The following DISP2 variants were observed in gnomAD, a reference collection of about 807,000 sequenced individuals.
The protein encoded by DISP2 is protein dispatched homolog 2.
Under a neutral mutation model 95.5 loss-of-function variants are expected in DISP2, and 59 were observed. That is an observed-to-expected ratio of 0.62 (90% CI 0.50 to 0.77). DISP2 has a LOEUF of 0.77. Among genes scored for constraint, DISP2 ranks in the 30% least tolerant of loss-of-function variants. The pLI, the probability that DISP2 is intolerant of heterozygous loss-of-function variation, is 0.00. For synonymous variants in DISP2, 827 were observed against 815.0 expected (o/e 1.01, Z -0.25); for missense variants, 1,752 against 1,854.6 (o/e 0.94, Z 1.02).
Position 40,367,397 on chromosome 15 carries a change from C to G in DISP2, c.1285C>G (p.Gln429Glu). 1.9e-6 allele frequency: 3 copies of G among 1,613,566 alleles called. No homozygotes were observed. The highest frequency in any genetic ancestry group is 2.5e-6 in the Non-Finnish European group (3 of 1,179,942). ...DFLSPQTTDY[Q>E]VPSLKYSLLF... ...TCTGAGTCCCCAGACCACTGACTAC[C>G]AGGTGCCTTCCCTCAAGTACAGCCT... is the stretch of plus-strand genomic sequence containing the variant. Residue 429 changes from glutamine to glutamate, a missense_variant, in exon 8 of 8, where the codon CAG becomes GAG. Transcript: ENST00000267889.
rs746202282 is a variant in DISP2 at position 40,363,935 on chromosome 15, C to T, written c.430C>T (p.His144Tyr). 5 of 1,536,178 alleles carry T rather than the reference C, an allele frequency of 3.3e-6. 1 individual carries two copies. In the South Asian group the frequency reaches 5.0e-5, roughly 15 times the overall value. The change falls in exon 2 of 8, where the codon CAC (histidine) becomes TAC (tyrosine). Residue 144 changes from histidine (H) to tyrosine (Y), a missense_variant. Coordinates refer to ENST00000267889, the MANE Select transcript of DISP2 (RefSeq NM_033510.3). The stretch of plus-strand genomic sequence containing the variant: ...GACCTGGAAGCCACCCGCTGTGCAG[C>T]ACCATGTGGTCAGCGTCAGGTAAGG... ...DGTWKPPAVQ[H>Y]HVVSVRQERA...
rs1324631836 is a variant in DISP2, at chr15:40,371,780, G to A, written c.*1462G>A. 1.8e-4 allele frequency: 28 copies of A among 152,150 alleles called. No homozygotes were observed. Among genetic ancestry groups the A allele is most frequent in the Admixed American group, 1.8e-3 (28 of 15,268 alleles). The allele number at this position is 152,150 out of a possible 1,614,324, so 9.4% of individuals were successfully genotyped here. On this transcript the variant is annotated 3_prime_UTR_variant, in exon 8 of 8. Transcript: ENST00000267889. ...TTATTGAACACCTACTTTGCATATGGTATTACAAGGGGACAGAGGTGTGGA... is the reference window on the plus strand; with the variant it reads ...TTATTGAACACCTACTTTGCATATGATATTACAAGGGGACAGAGGTGTGGA...
Position 40,365,612 on chromosome 15 carries a change from C to T in DISP2, c.848-16C>T, listed in dbSNP as rs770346471. ...GGCCAAAGGACTGAGCTCCAGGTTG[C>T]GGGGGTATGTTGCAGAGAAGAGCTA... On this transcript the variant is annotated splice_polypyrimidine_tract_variant and intron_variant, in intron 6 of 7. Transcript: ENST00000267889. 41 of 1,613,576 alleles carry T rather than the reference C, an allele frequency of 2.5e-5. No individual in the cohort carries two copies. The highest frequency in any genetic ancestry group is 3.3e-4 in the Middle Eastern group (2 of 6,084).
rs945094373 is a variant in DISP2, at chr15:40,373,197, T to C, written c.*2879T>C. The C allele has an allele frequency of 1.3e-5, 2 of 152,174 alleles. No homozygotes were observed. The highest frequency in any genetic ancestry group is 4.8e-5 in the African/African-American group (2 of 41,412). The allele number at this position is 152,174 out of a possible 1,614,324, so 9.4% of individuals were successfully genotyped here. ...GGCACTTACAATGAGTGTATGGCCCTGGAGACATGGCTTACAAGCACGCTG... is the reference window on the plus strand; with the variant it reads ...GGCACTTACAATGAGTGTATGGCCCCGGAGACATGGCTTACAAGCACGCTG... On this transcript the variant is annotated 3_prime_UTR_variant, in exon 8 of 8. Transcript: ENST00000267889.
rs1889758235 is a variant in DISP2, at chr15:40,378,381, A to G, written c.*8063A>G. 1 of 152,196 alleles carries G rather than the reference A, an allele frequency of 6.6e-6. No individual in the cohort carries two copies. The highest frequency in any genetic ancestry group is 1.5e-5 in the Non-Finnish European group (1 of 68,028). 9.4% of individuals were successfully genotyped at this position (152,196 alleles called of 1,614,324 possible). On this transcript the variant is annotated 3_prime_UTR_variant, in exon 8 of 8. Transcript: ENST00000267889. ...GAAGTACCAAGGGGAAGGAGGAATG[A>G]TTTGGGGATGACGGCTGTGTTTATT...
Position 40,369,794 on chromosome 15 carries a change from T to G in DISP2, c.3682T>G (p.Cys1228Gly). The change falls in exon 8 of 8, where the codon TGC (cysteine) becomes GGC (glycine). Residue 1228 changes from cysteine (C) to glycine (G), a missense_variant. This residue lies in a region of DISP2 where 347 missense variants were observed against 344.2 expected (regional missense o/e 1.01). Coordinates refer to ENST00000267889, the MANE Select transcript of DISP2 (RefSeq NM_033510.3). ...LLDHQAVFSQ[C>G]PALQTSSPYK... ...GGACCACCAGGCAGTCTTCAGCCAG[T>G]GCCCTGCCCTGCAGACCTCCTCCCC... 1 of 1,600,178 alleles carries G rather than the reference T, an allele frequency of 6.2e-7. No individual in the cohort carries two copies. The highest frequency in any genetic ancestry group is 1.1e-5 in the South Asian group (1 of 90,512).
Position 40,370,517 on chromosome 15 carries a change from C to T in DISP2, c.*199C>T, listed in dbSNP as rs2141264404. 9.4e-7 allele frequency: 1 copy of T among 1,068,944 alleles called. No homozygotes were observed. Among genetic ancestry groups the T allele is most frequent in the Non-Finnish European group, 1.4e-6 (1 of 725,700 alleles). The allele number at this position is 1,068,944 out of a possible 1,614,324, so 66.2% of individuals were successfully genotyped here. ...ACTCCTCACATCTGGAGGATTCCAG[C>T]AGGAGGGGTTTTGGAGGGGACCTGC... On this transcript the variant is annotated 3_prime_UTR_variant, in exon 8 of 8. Transcript: ENST00000267889.
chr15:40,358,527 C>T, intron 1 of DISP2, 87 bp downstream of exon 1: 1 of 1,008,862 alleles, frequency 9.9e-7, no homozygotes, highest in South Asian at 4.6e-5. Context: ...CCATATGTTG[C>T]CCCATTCATT....
rs1174439611 is a variant in DISP2, at chr15:40,367,486, C to T, written c.1374C>T (p.Thr458=). ...LMDIYLDRLA[T]PWGLADNYTS... is the part of the protein sequence containing the mutation. ...ACATCTACCTGGACCGGCTGGCCAC[C>T]CCCTGGGGGCTTGCTGACAACTACA... Residue 458 remains threonine, a synonymous_variant, in exon 8 of 8, where the codon ACC becomes ACT. Coordinates refer to ENST00000267889, the MANE Select transcript of DISP2 (RefSeq NM_033510.3). The T allele has an allele frequency of 6.2e-7, 1 of 1,613,772 alleles. No homozygotes were observed. The highest frequency in any genetic ancestry group is 2.2e-5 in the East Asian group (1 of 44,816).
At position 40,368,728 on chromosome 15, in the gene DISP2, G is replaced by A; in HGVS notation, c.2616G>A (p.Leu872=). 1.9e-6 allele frequency: 3 copies of A among 1,613,560 alleles called. No homozygotes were observed. The highest frequency in any genetic ancestry group is 2.5e-6 in the Non-Finnish European group (3 of 1,180,022). ...SDFPWAPQFF[L]HCLKMMALEQ... The stretch of plus-strand genomic sequence containing the variant: ...TCCCCTGGGCCCCCCAGTTTTTCCT[G>A]CACTGCCTGAAAATGATGGCTCTGG... The change falls in exon 8 of 8, where the codon CTG becomes CTA. Residue 872 remains leucine, a synonymous_variant. Transcript: ENST00000267889.
Position 40,371,350 on chromosome 15 carries a change from G to A in DISP2, c.*1032G>A, listed in dbSNP as rs1463286644. ...CTTTGGGCCTCCACTTCCTGAGAGA[G>A]CTGTATTCCAAAAAAACCCAGGAGT... On this transcript the variant is annotated 3_prime_UTR_variant, in exon 8 of 8. Transcript: ENST00000267889. 3 of 152,288 alleles carry A rather than the reference G, an allele frequency of 2.0e-5. No individual in the cohort carries two copies. Among genetic ancestry groups the A allele is most frequent in the African/African-American group, 4.8e-5 (2 of 41,444 alleles). 9.4% of individuals were successfully genotyped at this position (152,288 alleles called of 1,614,324 possible).
At position 40,367,719 on chromosome 15, in the gene DISP2, G is replaced by A. The variant is rs779234646; in HGVS notation, c.1607G>A (p.Arg536His). 7.4e-6 allele frequency: 12 copies of A among 1,613,230 alleles called. No homozygotes were observed. Among genetic ancestry groups the A allele is most frequent in the African/African-American group, 2.7e-5 (2 of 74,890 alleles). Reference protein sequence around the residue: ...VAFFLYQVAFRMAYFPFVNLA... With the variant: ...VAFFLYQVAFHMAYFPFVNLA... ...TTCTTCCTTTACCAGGTGGCCTTCC[G>A]CATGGCCTACTTCCCCTTCGTCAAT... Residue 536 changes from arginine to histidine, a missense_variant, in exon 8 of 8, where the codon CGC becomes CAC. By Grantham distance (29) the Arg-to-His change is conservative. Coordinates refer to ENST00000267889, the MANE Select transcript of DISP2 (RefSeq NM_033510.3).
chr15:40,369,229 C>T lies in DISP2; in HGVS notation c.3117C>T (p.Ser1039=). 1 of 1,613,938 alleles carries T rather than the reference C, an allele frequency of 6.2e-7. No individual in the cohort carries two copies. The highest frequency in any genetic ancestry group is 8.5e-7 in the Non-Finnish European group (1 of 1,180,054). The change falls in exon 8 of 8, where the codon TCC becomes TCT. Residue 1039 remains serine, a synonymous_variant. Transcript: ENST00000267889. ...ACTTCACTGTCAACTACTGCATCTC[C>T]TATCACCTGTGCCCACACCCTGACC... ...SVDFTVNYCI[S]YHLCPHPDRL...
In DISP2 at chr15:40,369,554, C is replaced by G; in HGVS notation, c.3442C>G (p.Arg1148Gly). The G allele has an allele frequency of 1.9e-6, 3 of 1,612,496 alleles. No individual in the cohort carries two copies. The highest frequency in any genetic ancestry group is 2.5e-6 in the Non-Finnish European group (3 of 1,180,002). ...DPGGEKAGRP[R>G]PGSVGGMPGS... ...TGGTGGGGAGAAGGCAGGCCGCCCA[C>G]GACCAGGGTCAGTGGGAGGGATGCC... is the stretch of plus-strand genomic sequence containing the variant. Residue 1148 changes from arginine to glycine, a missense_variant, in exon 8 of 8, where the codon CGA becomes GGA. Transcript: ENST00000267889.
chr15:40,365,384 C>G, intron 6 of DISP2, 110 bp downstream of exon 6: 4 of 1,502,074 alleles, frequency 2.7e-6, no homozygotes, highest in Non-Finnish European at 3.6e-6. Flanking sequence ...AGGTGGCCAG[C>G]TGGCCACAGT....
rs1397815549 is a variant in DISP2, at chr15:40,368,700, A to G, written c.2588A>G (p.Asp863Gly). 3 of 1,612,872 alleles carry G rather than the reference A, an allele frequency of 1.9e-6. No individual in the cohort carries two copies. In the South Asian group the frequency reaches 3.3e-5, roughly 18 times the overall value. Residue 863 changes from aspartate to glycine, a missense_variant, in exon 8 of 8, where the codon GAC becomes GGC. Physicochemically the swap from Asp to Gly is moderately conservative, Grantham distance 94 (BLOSUM62 -1). This residue lies in a region of DISP2 where 317 missense variants were observed against 394.9 expected (regional missense o/e 0.80). Transcript: ENST00000267889. ...LGPDLCCGHS[D>G]FPWAPQFFLH... is the part of the protein sequence containing the mutation. Reference sequence around the variant, plus strand: ...CCTGACCTCTGCTGCGGCCACTCGGACTTCCCCTGGGCCCCCCAGTTTTTC... The same window carrying G: ...CCTGACCTCTGCTGCGGCCACTCGGGCTTCCCCTGGGCCCCCCAGTTTTTC...
chr15:40,365,999 G>A (rs1365110515), intron 7 of DISP2, among the ~76,000 whole-genome samples: 1 of 152,254 alleles, frequency 6.6e-6, no homozygotes, highest in East Asian at 1.9e-4. Flanking sequence ...GCCCTCCAGA[G>A]CGGGTGAGGA....
At position 40,370,950 on chromosome 15, in the gene DISP2, A is replaced by G. The variant is rs973737321; in HGVS notation, c.*632A>G. 2.3e-5 allele frequency: 6 copies of G among 263,572 alleles called. No individual in the cohort carries two copies. The highest frequency in any genetic ancestry group is 3.9e-5 in the Non-Finnish European group (5 of 128,954). 16.3% of individuals were successfully genotyped at this position (263,572 alleles called of 1,614,324 possible). ...CTGGGTGTGCAGCAGGAGAAGGAGG[A>G]TGGTCAGCCTTGGAGCATCTCTCAA... On this transcript the variant is annotated 3_prime_UTR_variant, in exon 8 of 8. Transcript: ENST00000267889.
chr15:40,365,844 CT>C, intron 7 of DISP2, 119 bp downstream of exon 7: 1 of 1,002,518 alleles, frequency 1.0e-6, no homozygotes, highest in East Asian at 2.5e-5. Context: ...AGAGCATTCC[CT>C]GCTTAGAAAA....
Sources: allele counts gnomAD v4.1 joint callset (sites outside exome capture counted in the v4.1 genomes callset), GRCh38; gene constraint gnomAD v4.1.1; regional missense constraint gnomAD v4.1.1; transcripts MANE v1.5; gene names NCBI Gene and HGNC (gene_info 2026-07-23, HGNC 2026-07-21).